Variants in CLCN6 observed in about 807,000 individuals in gnomAD.
CLCN6 encodes the protein H(+)/Cl(-) exchange transporter 6.
A neutral mutation model predicts 109.8 loss-of-function variants in CLCN6; 70 were observed. The observed-to-expected ratio is 0.64, with a 90% confidence interval of 0.53 to 0.78. CLCN6 has a LOEUF of 0.78. Ranked by LOEUF, CLCN6 falls within the 30% of genes least tolerant of loss-of-function variation. The pLI is 0.00. For missense variants in CLCN6, 984 were observed against 1,142.3 expected, an observed-to-expected ratio of 0.86 and a Z score of 2.00; for synonymous variants, 444 against 447.8, an observed-to-expected ratio of 0.99 and a Z score of 0.11.
chr1:11,837,169 C>A lies in CLCN6; in HGVS notation c.2138+13C>A, dbSNP rs374952222. On this transcript the variant is annotated intron_variant, in intron 19 of 22. Coordinates refer to ENST00000346436, the MANE Select transcript of CLCN6 (RefSeq NM_001286.5). Reference sequence around the variant, plus strand: ...TGCTGGAAAGGAGGTGAGAGCCTGGCGGGGCCCCCACTGCCCGCAGGGCTA... The same window carrying A: ...TGCTGGAAAGGAGGTGAGAGCCTGGAGGGGCCCCCACTGCCCGCAGGGCTA... The A allele has an allele frequency of 6.2e-6, 10 of 1,610,794 alleles. No individual in the cohort carries two copies. Among genetic ancestry groups the A allele is most frequent in the Non-Finnish European group, 8.5e-6 (10 of 1,179,474 alleles).
Position 11,833,976 on chromosome 1 carries a change from C to T in CLCN6, c.1472C>T (p.Pro491Leu), listed in dbSNP as rs1435534450. 6.2e-7 allele frequency: 1 copy of T among 1,613,756 alleles called. No individual in the cohort carries two copies. ...TCTGTTCCAAGTGGCCTTTTTGTGC[C>T]TTCTCTGCTGTGTGGAGCTGCTTTT... is the stretch of plus-strand genomic sequence containing the variant. ...GISVPSGLFVPSLLCGAAFGR... is the reference protein window; with the variant it reads ...GISVPSGLFVLSLLCGAAFGR... The change falls in exon 15 of 23, where the codon CCT becomes CTT. Residue 491 changes from proline (P) to leucine (L), a missense_variant. Physicochemically the swap from Pro to Leu is moderately conservative, Grantham distance 98. Transcript: ENST00000346436.
intron 13 of CLCN6, among the ~76,000 whole-genome samples, chr1:11,830,739 A>T (rs480763): frequency 0.05 from 2,369 of 47,438 alleles, 92 homozygotes; most frequent in African/African-American, 0.17. Flanking sequence ...TGTATATATT[A>T]TATATATATA....
intron 2 of CLCN6, among the ~76,000 whole-genome samples, chr1:11,810,565 C>G (rs1025265303): frequency 6.6e-6 from 1 of 152,248 alleles, no homozygotes; most frequent in Non-Finnish European, 1.5e-5. Flanking sequence ...CCATTTTGCT[C>G]GTAACCCCCT....
chr1:11,807,288 C>A, intron 2 of CLCN6, 98 bp downstream of exon 2: 1 of 1,098,616 alleles, frequency 9.1e-7, no homozygotes, highest in South Asian at 1.3e-5. Flanking sequence ...GCTCTTTGAC[C>A]TTCTGTCCCA....
intron 2 of CLCN6, 61 bp downstream of exon 2, chr1:11,807,251 C>T (rs1343770403): frequency 5.5e-6 from 8 of 1,451,232 alleles, no homozygotes; most frequent in Non-Finnish European, 6.8e-6. Context: ...CACTTCAGGC[C>T]GAAGCATTAT....
chr1:11,812,530 C>G lies in CLCN6; in HGVS notation c.148-3316C>G, dbSNP rs369690912. On this transcript the variant is annotated intron_variant, in intron 2 of 22. Coordinates refer to ENST00000346436, the MANE Select transcript of CLCN6 (RefSeq NM_001286.5). ...CCTCCCTGGAGGGATGGGTGTCCCACCCCGCTAATCCTGCCTTGGTCTTTC... is the reference window on the plus strand; with the variant it reads ...CCTCCCTGGAGGGATGGGTGTCCCAGCCCGCTAATCCTGCCTTGGTCTTTC... Among the ~76,000 whole-genome samples the G allele has an allele frequency of 3.3e-3, 509 of 152,252 alleles. 3 individuals carry two copies. Among genetic ancestry groups the G allele is most frequent in the African/African-American group, 0.011 (461 of 41,542 alleles).
chr1:11,842,602 G>T lies in CLCN6; in HGVS notation c.*2379G>T, dbSNP rs41307751. 1,384 of 152,852 alleles carry T rather than the reference G, an allele frequency of 9.1e-3. 9 individuals carry two copies. Among genetic ancestry groups the T allele is most frequent in the Non-Finnish European group, 0.014 (926 of 68,066 alleles). 9.5% of individuals were successfully genotyped at this position (152,852 alleles called of 1,614,324 possible). A position where few individuals can be genotyped will look rare whatever the true frequency, so the allele number is the denominator to read the frequency against. On this transcript the variant is annotated 3_prime_UTR_variant, in exon 23 of 23. Transcript: ENST00000346436. ...GCCTCAGTAAAGCAGATCTGTGGATGGGGAGCCTACGGGTGGTAAGAAGTG... is the reference window on the plus strand; with the variant it reads ...GCCTCAGTAAAGCAGATCTGTGGATTGGGAGCCTACGGGTGGTAAGAAGTG...
At chr1:11,825,014 CCTT>C (rs961752909) in intron 8 of CLCN6, among the ~76,000 whole-genome samples, 3 of 152,152 alleles carry the variant, frequency 2.0e-5, no homozygotes, top group African/African-American at 4.8e-5. Context: ...ACTGCTTTCT[CCTT>C]ATAGCCACCT....
intron 17 of CLCN6, among the ~76,000 whole-genome samples, chr1:11,835,732 G>T (rs1340624107): frequency 2.0e-5 from 3 of 152,242 alleles, no homozygotes; most frequent in African/African-American, 7.2e-5. Flanking sequence ...GCTGAGGGAT[G>T]AGCCCGAGCC....
rs765147699 is a variant in CLCN6 at position 11,840,195 on chromosome 1, G to A, written c.2582G>A (p.Arg861Gln). 1.2e-5 allele frequency: 20 copies of A among 1,613,440 alleles called. No homozygotes were observed. The highest frequency in any genetic ancestry group is 1.6e-4 in the Middle Eastern group (1 of 6,062). Residue 861 changes from arginine to glutamine, a missense_variant, in exon 23 of 23, where the codon CGG becomes CAG. By Grantham distance (43) the Arg-to-Gln change is conservative. Transcript: ENST00000346436. The stretch of plus-strand genomic sequence containing the variant: ...CTCACCTATGAATTTCTGCAGGCCC[G>A]GCTGAGGCAGCACTACCAGACCATC... The part of the protein sequence containing the change: ...HNLTYEFLQA[R>Q]LRQHYQTI
At position 11,841,090 on chromosome 1, in the gene CLCN6, A is replaced by G. The variant is rs1025823068; in HGVS notation, c.*867A>G. Reference sequence around the variant, plus strand: ...TCAGAGGATCTTGGCATCACCCACCAAAGTTAGCTGAAAGCAGGGCACTCC... The same window carrying G: ...TCAGAGGATCTTGGCATCACCCACCGAAGTTAGCTGAAAGCAGGGCACTCC... On this transcript the variant is annotated 3_prime_UTR_variant, in exon 23 of 23. Coordinates refer to ENST00000346436, the MANE Select transcript of CLCN6 (RefSeq NM_001286.5). The G allele has an allele frequency of 6.6e-6, 1 of 152,604 alleles. No homozygotes were observed. Among genetic ancestry groups the G allele is most frequent in the Non-Finnish European group, 1.5e-5 (1 of 68,026 alleles). The allele number at this position is 152,604 out of a possible 1,614,324, so 9.5% of individuals were successfully genotyped here.
In CLCN6 at chr1:11,807,732, C is replaced by T. The variant is rs149702748; in HGVS notation, c.147+542C>T. On this transcript the variant is annotated intron_variant, in intron 2 of 22. Transcript: ENST00000346436. ...GACTTTTTATCATTAAATTCTTAAACGTAATAAAGAAGGTAGAGAAAAGCC... is the reference window on the plus strand; with the variant it reads ...GACTTTTTATCATTAAATTCTTAAATGTAATAAAGAAGGTAGAGAAAAGCC... Among the ~76,000 whole-genome samples the T allele has an allele frequency of 2.8e-3, 432 of 152,172 alleles. 7 individuals are homozygous for T. In the East Asian group the frequency reaches 0.032, roughly 11 times the overall value.
chr1:11,837,569 C>T (rs556219504), intron 20 of CLCN6, 70 bp downstream of exon 20: 443 of 1,508,584 alleles, frequency 2.9e-4, no homozygotes, highest in Non-Finnish European at 3.8e-4. Context: ...GCGCTGCCGG[C>T]GGGCCGTGAA....
At chr1:11,806,479 A>G in intron 1 of CLCN6, 130 bp downstream of exon 1, 2 of 748,476 alleles carry the variant, frequency 2.7e-6, no homozygotes, top group East Asian at 3.4e-5. Flanking sequence ...GACCGCAGCC[A>G]GGGCTCTCGA....
chr1:11,823,634 G>T, intron 6 of CLCN6, 73 bp from the exon 7 acceptor site: 1 of 1,603,196 alleles, frequency 6.2e-7, no homozygotes, highest in Admixed American at 1.7e-5. Flanking sequence ...CTCTTCCGCC[G>T]CCCAGATTGT....
intron 9 of CLCN6, 68 bp downstream of exon 9, chr1:11,826,282 G>C (rs193138134): frequency 1.6e-5 from 21 of 1,284,142 alleles, no homozygotes; most frequent in Non-Finnish European, 2.2e-5. Flanking sequence ...GGTCAGACTC[G>C]ACACTTGCTC....
intron 5 of CLCN6, among the ~76,000 whole-genome samples, chr1:11,821,210 A>G (rs1322906946): frequency 6.6e-6 from 1 of 152,236 alleles, no homozygotes; most frequent in Admixed American, 6.5e-5. Context: ...ACAAGTCCAC[A>G]GCCTGAGAGA....
rs760159536 is a variant in CLCN6, at chr1:11,829,349, A to T, written c.1248+27A>T. The T allele has an allele frequency of 1.1e-5, 17 of 1,607,592 alleles. No individual in the cohort carries two copies. The Admixed American group carries it at 1.7e-4, about 16-fold the overall frequency. On this transcript the variant is annotated intron_variant, in intron 13 of 22. Coordinates refer to ENST00000346436, the MANE Select transcript of CLCN6 (RefSeq NM_001286.5). ...TAACCCCAGTGCACCTGCTACCTTT[A>T]TCCCATACCACGAGGAAGAATCCAG...
chr1:11,815,922 C>G lies in CLCN6; in HGVS notation c.213+11C>G. On this transcript the variant is annotated intron_variant, in intron 3 of 22. Coordinates refer to ENST00000346436, the MANE Select transcript of CLCN6 (RefSeq NM_001286.5). ...ACCATGGATAATAAGGTGGGTCTTA[C>G]AATTCTTCATCTCTGGGGATCAAAT... 1 of 1,595,518 alleles carries G rather than the reference C, an allele frequency of 6.3e-7. No homozygotes were observed. The highest frequency in any genetic ancestry group is 8.6e-7 in the Non-Finnish European group (1 of 1,163,030).
Sources: gnomAD v4.1 joint callset for allele counts (sites outside exome capture counted in the v4.1 genomes callset) on GRCh38, gnomAD v4.1.1 for gene constraint, MANE v1.5 for transcripts, NCBI Gene and HGNC (gene_info 2026-07-23, HGNC 2026-07-21) for gene names.